Variants in USP15 observed in about 807,000 individuals in gnomAD.
The protein encoded by USP15 is ubiquitin carboxyl-terminal hydrolase 15.
Under a neutral mutation model 127.1 loss-of-function variants are expected in USP15, and 18 were observed. The observed-to-expected ratio is 0.14, with a 90% CI of 0.10 to 0.21. The LOEUF (loss-of-function observed/expected upper bound fraction) is 0.21. Among genes scored for constraint, USP15 ranks in the 10% least tolerant of loss-of-function variants. USP15 has a pLI of 1.00. For synonymous variants in USP15, 364 were observed against 393.7 expected, an observed-to-expected ratio of 0.92 and a Z score of 0.89; for missense variants, 805 against 1,159.9, an observed-to-expected ratio of 0.69 and a Z score of 4.44.
At chr12:62,381,813 G>T in intron 9 of USP15, 150 bp downstream of exon 9, 2 of 641,610 alleles carry the variant, frequency 3.1e-6, no homozygotes, top group Non-Finnish European at 2.4e-6. Flanking sequence ...CAGTACATCT[G>T]TGATATAAAA....
intron 8 of USP15, among the ~76,000 whole-genome samples, chr12:62,356,249 T>G (rs1208146275): frequency 1.3e-5 from 2 of 151,952 alleles, no homozygotes; most frequent in Non-Finnish European, 2.9e-5. Context: ...GTTTTAAATC[T>G]AAACTTTTCT....
intron 1 of USP15, among the ~76,000 whole-genome samples, chr12:62,261,535 T>C (rs1188039083): frequency 1.3e-5 from 2 of 152,178 alleles, no homozygotes; most frequent in Non-Finnish European, 2.9e-5. Flanking sequence ...TAGACCTGAG[T>C]TATGTCACAG....
At chr12:62,293,823 CT>C in intron 1 of USP15, among the ~76,000 whole-genome samples, 1 of 152,284 alleles carries the variant, frequency 6.6e-6, no homozygotes, top group African/African-American at 2.4e-5. Flanking sequence ...TATTTGCAAG[CT>C]TCTTGTAAAA....
intron 2 of USP15, chr12:62,294,779 A>G (rs2064079826): frequency 6.3e-6 from 1 of 157,650 alleles, no homozygotes; most frequent in South Asian, 1.9e-4. Context: ...TTAGCTTTCT[A>G]CAACCCTCAC....
chr12:62,360,679 C>T (rs2066287515), intron 8 of USP15, among the ~76,000 whole-genome samples: 1 of 151,954 alleles, frequency 6.6e-6, no homozygotes, highest in South Asian at 2.1e-4. Flanking sequence ...ATATACTTTT[C>T]ATCGTAAAAG....
chr12:62,304,662 G>A (rs558452696), intron 3 of USP15: 25 of 446,104 alleles, frequency 5.6e-5, no homozygotes, highest in Admixed American at 1.5e-4. Context: ...TCTAAAATGC[G>A]TCATTTATAG....
chr12:62,313,857 G>T (rs954369465), intron 3 of USP15, among the ~76,000 whole-genome samples: 1 of 151,698 alleles, frequency 6.6e-6, no homozygotes, highest in Non-Finnish European at 1.5e-5. Flanking sequence ...TTTTTTCAAT[G>T]CAGTGAAAGA....
intron 21 of USP15, among the ~76,000 whole-genome samples, chr12:62,401,928 A>G (rs2067703179): frequency 6.7e-6 from 1 of 149,802 alleles, no homozygotes; most frequent in African/African-American, 2.4e-5. Context: ...ACATATATAT[A>G]TATATATACT....
intron 5 of USP15, among the ~76,000 whole-genome samples, chr12:62,325,119 A>T (rs2137297079): frequency 6.6e-6 from 1 of 152,094 alleles, no homozygotes; most frequent in African/African-American, 2.4e-5. Flanking sequence ...CTTTGCACAG[A>T]CTAATCCATA....
rs151071874 is a variant in USP15, at chr12:62,295,345, A to G, written c.217+1039A>G. On this transcript the variant is annotated intron_variant, in intron 2 of 21. Coordinates refer to ENST00000280377, the MANE Select transcript of USP15 (RefSeq NM_001252078.2). ...TTCTGAGAACAGTTTTACTTATGTA[A>G]TAGGGTGAAATTAATTTTCCTGCTC... is the stretch of plus-strand genomic sequence containing the variant. Among the ~76,000 whole-genome samples, 321 of 152,368 alleles carry G rather than the reference A, an allele frequency of 2.1e-3. 1 individual carries two copies. The South Asian group carries it at 0.021, about 10-fold the overall frequency.
chr12:62,398,738 T>C (rs1202085725), intron 20 of USP15, among the ~76,000 whole-genome samples: 1 of 152,166 alleles, frequency 6.6e-6, no homozygotes, highest in East Asian at 1.9e-4. Flanking sequence ...AAAATATACA[T>C]TCCCCATTTA....
chr12:62,348,291 A>G (rs764661296), intron 6 of USP15, among the ~76,000 whole-genome samples: 72 of 152,262 alleles, frequency 4.7e-4, no homozygotes, highest in Non-Finnish European at 9.7e-4. Flanking sequence ...GTTCTGCATA[A>G]TGCATTGTAG....
At chr12:62,306,223 G>T (rs918163949) in intron 3 of USP15, among the ~76,000 whole-genome samples, 1 of 152,142 alleles carries the variant, frequency 6.6e-6, no homozygotes, top group African/African-American at 2.4e-5. Context: ...GATAATGTTT[G>T]CTGTGTTAAG....
chr12:62,290,619 T>C (rs2063934317), intron 1 of USP15, among the ~76,000 whole-genome samples: 1 of 152,246 alleles, frequency 6.6e-6, no homozygotes, highest in Non-Finnish European at 1.5e-5. Flanking sequence ...AAGGTAAATA[T>C]TGATATGTGA....
At chr12:62,330,933 G>GAAAAAAA (rs36008434) in intron 6 of USP15, among the ~76,000 whole-genome samples, 1 of 120,318 alleles carries the variant, frequency 8.3e-6, no homozygotes, top group Non-Finnish European at 1.7e-5. Flanking sequence ...CTCCAAAAAG[G>GAAAAAAA]AAAAAAAAAA....
At chr12:62,369,378 C>T (rs1462498790) in intron 8 of USP15, among the ~76,000 whole-genome samples, 1 of 151,876 alleles carries the variant, frequency 6.6e-6, no homozygotes, top group Non-Finnish European at 1.5e-5. Context: ...TCAGAAATTC[C>T]CGTATCAGAA....
At position 62,275,469 on chromosome 12, in the gene USP15, C is replaced by T. The variant is rs1160716162; in HGVS notation, c.89+14966C>T. ...TAATAGATATATAAAATTATGAATC[C>T]GTTGGATTTGTTAAGGTGGTCATTG... On this transcript the variant is annotated intron_variant, in intron 1 of 21. Coordinates refer to ENST00000280377, the MANE Select transcript of USP15 (RefSeq NM_001252078.2). Among the ~76,000 whole-genome samples the T allele has an allele frequency of 4.0e-5, 6 of 151,438 alleles. No homozygotes were observed. The East Asian group carries it at 5.8e-4, about 15-fold the overall frequency.
chr12:62,412,141 A>G lies in USP15; in HGVS notation c.*7766A>G, dbSNP rs1259877696. ...TGGTTTCCCAGTGCATATAAAAGGC[A>G]TATTTACCCTATACTGTAGTCTATT... On this transcript the variant is annotated 3_prime_UTR_variant, in exon 22 of 22. Coordinates refer to ENST00000280377, the MANE Select transcript of USP15 (RefSeq NM_001252078.2). 1.3e-5 allele frequency: 2 copies of G among 152,238 alleles called. No homozygotes were observed. Among genetic ancestry groups the G allele is most frequent in the Non-Finnish European group, 2.9e-5 (2 of 68,046 alleles). 9.4% of individuals were successfully genotyped at this position (152,238 alleles called of 1,614,324 possible).
intron 7 of USP15, 74 bp from the exon 8 acceptor site, chr12:62,355,257 A>G (rs1004624237): frequency 2.4e-6 from 3 of 1,257,810 alleles, no homozygotes; most frequent in Non-Finnish European, 3.2e-6. Flanking sequence ...TCTCATAAAT[A>G]GGCCTAAAGT....
Sources: gnomAD v4.1 joint callset for allele counts (sites outside exome capture counted in the v4.1 genomes callset) on GRCh38, gnomAD v4.1.1 for gene constraint, MANE v1.5 for transcripts, NCBI Gene and HGNC (gene_info 2026-07-23, HGNC 2026-07-21) for gene names.